Variants in EPSTI1 observed in about 807,000 individuals in gnomAD.
The protein encoded by EPSTI1 is epithelial-stromal interaction protein 1.
EPSTI1 carries 66 observed loss-of-function variants against 49.9 expected under a neutral mutation model. The ratio of observed to expected loss-of-function variants is 1.32; its 90% CI spans 1.08 to 1.62. EPSTI1 has a LOEUF of 1.62. EPSTI1 is among the 40% of genes most tolerant of loss of function. EPSTI1 has a pLI of 0.00. For missense variants in EPSTI1, 394 were observed against 365.5 expected (o/e 1.08, Z -0.64); for synonymous variants, 137 against 130.7 (o/e 1.05, Z -0.33).
At chr13:42,986,694 G>A (rs1050953408) in intron 1 of EPSTI1, among the ~76,000 whole-genome samples, 8 of 129,930 alleles carry the variant, frequency 6.2e-5, no homozygotes, top group Non-Finnish European at 1.1e-4. Context: ...GCAGTGAACT[G>A]AGATCACGCC....
intron 8 of EPSTI1, among the ~76,000 whole-genome samples, chr13:42,909,233 G>A (rs1225736096): frequency 6.6e-6 from 1 of 152,110 alleles, no homozygotes; most frequent in African/African-American, 2.4e-5. Flanking sequence ...AAACCACGAT[G>A]AGCTATTATC....
At chr13:42,913,502 G>C (rs2037745259) in intron 8 of EPSTI1, among the ~76,000 whole-genome samples, 2 of 152,078 alleles carry the variant, frequency 1.3e-5, no homozygotes, top group Admixed American at 6.5e-5. Flanking sequence ...TAAAATGTAG[G>C]CTTCCCTTAG....
intron 6 of EPSTI1, among the ~76,000 whole-genome samples, chr13:42,928,116 C>T (rs370901389): frequency 3.9e-5 from 6 of 152,082 alleles, no homozygotes; most frequent in Admixed American, 1.3e-4. Context: ...CCACTCATGC[C>T]GCAGGATATA....
chr13:42,983,861 C>A (rs1215041488), intron 1 of EPSTI1, among the ~76,000 whole-genome samples: 4 of 152,188 alleles, frequency 2.6e-5, no homozygotes, highest in African/African-American at 9.7e-5. Flanking sequence ...TCATGGAAAA[C>A]ACATGAGCTA....
intron 3 of EPSTI1, among the ~76,000 whole-genome samples, chr13:42,966,710 C>T (rs372040128): frequency 1.2e-5 from 1 of 83,690 alleles, no homozygotes; most frequent in East Asian, 6.2e-4. Flanking sequence ...CAGCCCCCCG[C>T]CCGGCCAGCC....
rs953240024 is a variant in EPSTI1, at chr13:42,990,653, A to G, written c.188+1325T>C. On this transcript the variant is annotated intron_variant, in intron 1 of 10. Coordinates refer to ENST00000313624, the MANE Select transcript of EPSTI1 (RefSeq NM_033255.5). The stretch of plus-strand genomic sequence containing the variant: ...GGAGGAAAGAAATGCAACAATCTCT[A>G]ATTGATTTCCAGATTATCCACCCCA... Among the ~76,000 whole-genome samples the G allele has an allele frequency of 2.0e-5, 3 of 152,206 alleles. No homozygotes were observed. The South Asian group carries it at 6.2e-4, about 32-fold the overall frequency.
intron 7 of EPSTI1, among the ~76,000 whole-genome samples, 183 bp downstream of exon 7, chr13:42,926,153 A>G (rs2038169889): frequency 6.6e-6 from 1 of 152,224 alleles, no homozygotes; most frequent in Non-Finnish European, 1.5e-5. Flanking sequence ...CCAGGTGCCC[A>G]TAAAATAATA....
At chr13:42,944,607 G>T (rs1030662289) in intron 6 of EPSTI1, among the ~76,000 whole-genome samples, 1 of 152,244 alleles carries the variant, frequency 6.6e-6, no homozygotes, top group Admixed American at 6.5e-5. Flanking sequence ...ACCGTGGCAC[G>T]TGTATACCTA....
At chr13:42,915,616 A>C (rs2037809128) in intron 8 of EPSTI1, among the ~76,000 whole-genome samples, 1 of 152,238 alleles carries the variant, frequency 6.6e-6, no homozygotes, top group East Asian at 1.9e-4. Context: ...AAGGTAGAAT[A>C]GATGGATAAG....
chr13:42,926,026 TGGAA>T (rs60372725), intron 7 of EPSTI1, among the ~76,000 whole-genome samples: 16 of 142,732 alleles, frequency 1.1e-4, no homozygotes, highest in African/African-American at 3.2e-4. Context: ...GATGCATGGA[TGGAA>T]GGAAGGAAGG....
chr13:42,924,704 A>C (rs1034292779), intron 7 of EPSTI1, among the ~76,000 whole-genome samples: 6 of 152,208 alleles, frequency 3.9e-5, no homozygotes, highest in Non-Finnish European at 8.8e-5. Context: ...CAGTGAGGGA[A>C]GAGAGATGAT....
intron 1 of EPSTI1, among the ~76,000 whole-genome samples, chr13:42,972,699 T>C (rs2153433816): frequency 6.6e-6 from 1 of 152,240 alleles, no homozygotes. Flanking sequence ...GGATTTATTG[T>C]ATTAGGGGCT....
chr13:42,911,278 CGCACACGTGTGTGAGTGT>C (rs2037676307), intron 8 of EPSTI1, among the ~76,000 whole-genome samples: 1 of 111,530 alleles, frequency 9.0e-6, no homozygotes. Context: ...CGCGCACGCG[CGCACACGTGTGTGAGTGT>C]GCACATGCTT....
rs1433894731 is a variant in EPSTI1 at position 42,954,026 on chromosome 13, A to C, written c.490-5T>G. 2 of 1,608,216 alleles carry C rather than the reference A, an allele frequency of 1.2e-6. No homozygotes were observed. The highest frequency in any genetic ancestry group is 2.7e-5 in the African/African-American group (2 of 74,768). ...TTTCTCCTCCAGTTTATTGCTCTGAAATTGCAAATATCAAAACATAACTTA... is the reference window on the plus strand; with the variant it reads ...TTTCTCCTCCAGTTTATTGCTCTGACATTGCAAATATCAAAACATAACTTA... On this transcript the variant is annotated splice_region_variant and splice_polypyrimidine_tract_variant and intron_variant, in intron 5 of 10. Transcript: ENST00000313624.
intron 8 of EPSTI1, among the ~76,000 whole-genome samples, chr13:42,914,912 T>C (rs1036287688): frequency 4.6e-5 from 7 of 151,450 alleles, no homozygotes; most frequent in African/African-American, 1.7e-4. Flanking sequence ...AGGAAGTGAA[T>C]CACAGGTAAA....
Position 42,887,701 on chromosome 13 carries a change from A to G in EPSTI1, c.*793T>C, listed in dbSNP as rs998351325. 1.3e-5 allele frequency: 2 copies of G among 152,366 alleles called. No homozygotes were observed. The highest frequency in any genetic ancestry group is 4.8e-5 in the African/African-American group (2 of 41,474). The allele number at this position is 152,366 out of a possible 1,614,324, so 9.4% of individuals were successfully genotyped here. On this transcript the variant is annotated 3_prime_UTR_variant, in exon 11 of 11. Transcript: ENST00000313624. ...CTGAACTAGCAATAGGAAATAGGTT[A>G]CACAGAGCAAAGAAAAAACAAGTTT...
chr13:42,913,977 T>C (rs2037758815), intron 8 of EPSTI1, among the ~76,000 whole-genome samples: 5 of 152,182 alleles, frequency 3.3e-5, no homozygotes. Flanking sequence ...CTGTTGGCCA[T>C]GTGAAGATGT....
At chr13:42,958,192 G>C (rs1052262672) in intron 5 of EPSTI1, among the ~76,000 whole-genome samples, 10 of 152,046 alleles carry the variant, frequency 6.6e-5, no homozygotes, top group African/African-American at 2.2e-4. Context: ...AAAGGAATCA[G>C]AGAAGGTAAG....
intron 6 of EPSTI1, among the ~76,000 whole-genome samples, chr13:42,937,979 A>G (rs1349625197): frequency 6.6e-6 from 1 of 152,150 alleles, no homozygotes; most frequent in African/African-American, 2.4e-5. Context: ...TTATTCCTTG[A>G]TCCATAGGCT....
Sources: allele counts gnomAD v4.1 joint callset (sites outside exome capture counted in the v4.1 genomes callset), GRCh38; gene constraint gnomAD v4.1.1; transcripts MANE v1.5; gene names NCBI Gene and HGNC (gene_info 2026-07-23, HGNC 2026-07-21).